The following LTBP1 variants were observed in gnomAD, a reference collection of about 807,000 sequenced individuals.
LTBP1 encodes the protein latent transforming growth factor beta binding protein 1, also known as latent-transforming growth factor beta-binding protein 1.
Under a neutral mutation model 207.6 loss-of-function variants are expected in LTBP1, and 129 were observed. The observed-to-expected ratio is 0.62, with a 90% CI of 0.54 to 0.72. The LOEUF is 0.72. Among genes scored for constraint, LTBP1 ranks in the 30% least tolerant of loss-of-function variants. LTBP1 has a pLI of 0.00. For missense variants in LTBP1, 2,281 were observed against 2,217.2 expected (o/e 1.03, Z -0.58); for synonymous variants, 963 against 833.7 (o/e 1.16, Z -2.67).
chr2:33,087,006 TAG>T (rs887281595), intron 3 of LTBP1, among the ~76,000 whole-genome samples: 2 of 151,792 alleles, frequency 1.3e-5, no homozygotes, highest in Non-Finnish European at 2.9e-5. Flanking sequence ...AGATTATTCT[TAG>T]AGTCTTCTTT....
intron 2 of LTBP1, among the ~76,000 whole-genome samples, chr2:32,950,116 C>T (rs1391892930): frequency 6.6e-6 from 1 of 152,182 alleles, no homozygotes; most frequent in East Asian, 1.9e-4. Flanking sequence ...TAGAATTTAG[C>T]ATTGCTCAGG....
chr2:33,191,643 G>A (rs545589646), intron 7 of LTBP1, among the ~76,000 whole-genome samples: 23 of 152,296 alleles, frequency 1.5e-4, no homozygotes, highest in African/African-American at 5.3e-4. Context: ...GAAAACATTT[G>A]TGCTTTCTTG....
At chr2:32,991,606 G>A (rs1395817252) in intron 2 of LTBP1, among the ~76,000 whole-genome samples, 1 of 152,200 alleles carries the variant, frequency 6.6e-6, no homozygotes, top group Non-Finnish European at 1.5e-5. Context: ...TAAGTGACAT[G>A]GGTAAAGTTT....
chr2:33,284,246 G>A (rs770904597), intron 19 of LTBP1, among the ~76,000 whole-genome samples: 2 of 152,164 alleles, frequency 1.3e-5, no homozygotes, highest in Non-Finnish European at 2.9e-5. Context: ...ATGTTAGCAG[G>A]TGTTTTCTGA....
intron 32 of LTBP1, among the ~76,000 whole-genome samples, chr2:33,391,952 A>G (rs917126411): frequency 2.0e-5 from 3 of 152,196 alleles, no homozygotes. Flanking sequence ...TTGCAGAGAA[A>G]TATTTCCCCC....
At chr2:32,949,089 C>A (rs978863175) in intron 2 of LTBP1, 144 bp downstream of exon 2, 2 of 741,700 alleles carry the variant, frequency 2.7e-6, no homozygotes, top group African/African-American at 3.4e-5. Flanking sequence ...TCATTACCAC[C>A]TAGGAAGGGC....
At chr2:33,396,852 G>A (rs1288631683) in intron 32 of LTBP1, among the ~76,000 whole-genome samples, 1 of 152,086 alleles carries the variant, frequency 6.6e-6, no homozygotes, top group Non-Finnish European at 1.5e-5. Flanking sequence ...ATAATTAAGA[G>A]CAAAAACAAA....
intron 20 of LTBP1, among the ~76,000 whole-genome samples, chr2:33,295,348 G>A (rs1373626232): frequency 1.3e-5 from 2 of 152,026 alleles, no homozygotes; most frequent in Non-Finnish European, 2.9e-5. Context: ...CCAACATGGT[G>A]AAACCCTGTC....
At chr2:33,002,303 A>G (rs918410692) in intron 2 of LTBP1, among the ~76,000 whole-genome samples, 1 of 152,214 alleles carries the variant, frequency 6.6e-6, no homozygotes, top group Non-Finnish European at 1.5e-5. Flanking sequence ...TAAGGTGGTT[A>G]CATTTGTGCA....
chr2:33,173,406 A>C (rs1276227720), intron 5 of LTBP1, among the ~76,000 whole-genome samples: 1 of 152,246 alleles, frequency 6.6e-6, no homozygotes, highest in African/African-American at 2.4e-5. Flanking sequence ...AAAATCTAGA[A>C]GAAATGGATA....
intron 4 of LTBP1, among the ~76,000 whole-genome samples, chr2:33,117,846 T>A (rs1009315637): frequency 2.0e-5 from 3 of 152,144 alleles, no homozygotes; most frequent in Non-Finnish European, 4.4e-5. Context: ...ATGGGATGAA[T>A]TGCAATCTGG....
At chr2:33,359,492 GTAAGTA>G (rs910275570) in intron 26 of LTBP1, among the ~76,000 whole-genome samples, 9 of 152,276 alleles carry the variant, frequency 5.9e-5, no homozygotes, top group African/African-American at 2.2e-4. Flanking sequence ...AAAGGTAAGT[GTAAGTA>G]TGTGTGGACA....
At chr2:33,363,601 T>A in intron 29 of LTBP1, 83 bp downstream of exon 29, 1 of 1,391,560 alleles carries the variant, frequency 7.2e-7, no homozygotes, top group Non-Finnish European at 9.7e-7. Context: ...TAAAAACAAT[T>A]TCCTTGAATC....
intron 3 of LTBP1, among the ~76,000 whole-genome samples, chr2:33,074,962 A>T (rs1427450359): frequency 6.6e-6 from 1 of 151,932 alleles, no homozygotes; most frequent in Non-Finnish European, 1.5e-5. Context: ...GAGGCAGGAG[A>T]ATCATTTGAA....
At chr2:32,973,786 A>G in intron 2 of LTBP1, among the ~76,000 whole-genome samples, 1 of 151,924 alleles carries the variant, frequency 6.6e-6, no homozygotes, top group East Asian at 1.9e-4. Context: ...TCTACTCTCT[A>G]TGTCCATGAG....
intron 19 of LTBP1, among the ~76,000 whole-genome samples, chr2:33,292,884 TC>T (rs1022084923): frequency 7.9e-5 from 12 of 152,112 alleles, no homozygotes; most frequent in African/African-American, 1.2e-4. Flanking sequence ...TCTTCCTTCC[TC>T]CCCCCTACAA....
chr2:33,389,138 G>A (rs187132381), intron 31 of LTBP1, 46 bp from the exon 32 acceptor site: 410 of 1,611,346 alleles, frequency 2.5e-4, no homozygotes, highest in Admixed American at 5.3e-4. Context: ...TGGGGCAGGT[G>A]CGAGCTAACA....
At chr2:33,176,138 T>G (rs1053010417) in intron 5 of LTBP1, among the ~76,000 whole-genome samples, 27 of 151,800 alleles carry the variant, frequency 1.8e-4, no homozygotes, top group African/African-American at 6.5e-4. Context: ...ACATGTACCC[T>G]AAAGCTTAAA....
At chr2:33,235,204 G>GA (rs897923332) in intron 9 of LTBP1, among the ~76,000 whole-genome samples, 1 of 151,682 alleles carries the variant, frequency 6.6e-6, no homozygotes, top group African/African-American at 2.4e-5. Context: ...AAATTTACAT[G>GA]AAAAAAATCA....
Sources: allele counts gnomAD v4.1 joint callset (sites outside exome capture counted in the v4.1 genomes callset), GRCh38; gene constraint gnomAD v4.1.1; transcripts MANE v1.5; gene names NCBI Gene and HGNC (gene_info 2026-07-23, HGNC 2026-07-21).